FREM1: variants seen among roughly 807,000 people sequenced by gnomAD.
FREM1 encodes the protein FRAS1-related extracellular matrix protein 1.
In FREM1, 220 loss-of-function variants were observed where a neutral mutation model predicts 210.1. The ratio of observed to expected loss-of-function variants is 1.05; its 90% CI spans 0.94 to 1.17. FREM1 has a LOEUF of 1.17. Ranked by LOEUF, FREM1 falls within the 50% of genes most tolerant of loss-of-function variation. The pLI, the probability that FREM1 is intolerant of heterozygous loss-of-function variation, is 0.00. For missense variants in FREM1, 3,454 were observed against 2,675.5 expected (o/e 1.29, Z -6.42); for synonymous variants, 1,189 against 980.2 (o/e 1.21, Z -3.98).
chr9:14,770,862 A>G (rs554785323), intron 25 of FREM1, 56 bp from the exon 26 acceptor site: 1 of 1,292,942 alleles, frequency 7.7e-7, no homozygotes, highest in African/African-American at 1.5e-5. Flanking sequence ...CCCCCATGCA[A>G]CGTTGGGCTT....
At chr9:14,801,031 C>G (rs1341480727) in intron 20 of FREM1, among the ~76,000 whole-genome samples, 3 of 152,118 alleles carry the variant, frequency 2.0e-5, no homozygotes, top group African/African-American at 7.2e-5. Context: ...CACTCTGTCG[C>G]CCAGGCTGGA....
intron 24 of FREM1, among the ~76,000 whole-genome samples, chr9:14,782,068 T>C (rs1849718751): frequency 6.6e-6 from 1 of 152,204 alleles, no homozygotes; most frequent in African/African-American, 2.4e-5. Context: ...ACCAGACTAT[T>C]GATGGCTAGT....
rs762734675 is a variant in FREM1, at chr9:14,824,846, C to A, written c.2028G>T (p.Arg676Ser). The change falls in exon 11 of 37, where the codon AGG becomes AGT. Residue 676 changes from arginine to serine, a missense_variant. Transcript: ENST00000380880. ...GAGTAGTTATTGTGTAGACCAGCTC[C>A]CTGTCATATGATTCTGAATCTATAA... ...LHFIDSESYD[R>S]ELVYTITTPP... The A allele has an allele frequency of 4.3e-6, 7 of 1,613,166 alleles. No homozygotes were observed. The highest frequency in any genetic ancestry group is 5.1e-6 in the Non-Finnish European group (6 of 1,179,588).
In FREM1 at chr9:14,742,146, T is replaced by C. The variant is rs978449389; in HGVS notation, c.6255-1912A>G. ...TGGGTATTATCTGTATAGGTGTATATATGGATATAAAATTATAAATAGGTA... is the reference window on the plus strand; with the variant it reads ...TGGGTATTATCTGTATAGGTGTATACATGGATATAAAATTATAAATAGGTA... On this transcript the variant is annotated intron_variant, in intron 35 of 36. Coordinates refer to ENST00000380880, the MANE Select transcript of FREM1 (RefSeq NM_001379081.2). Among the ~76,000 whole-genome samples, 3 of 152,328 alleles carry C rather than the reference T, an allele frequency of 2.0e-5. No individual in the cohort carries two copies. In the East Asian group the frequency reaches 5.8e-4, roughly 29 times the overall value.
chr9:14,874,193 G>A (rs1833258561), intron 1 of FREM1, among the ~76,000 whole-genome samples: 3 of 152,254 alleles, frequency 2.0e-5, no homozygotes, highest in South Asian at 4.1e-4. Context: ...TCTGCTTGGT[G>A]CAGAGGTGAG....
At chr9:14,897,640 G>C (rs1370568298) in intron 1 of FREM1, among the ~76,000 whole-genome samples, 1 of 151,266 alleles carries the variant, frequency 6.6e-6, no homozygotes, top group African/African-American at 2.4e-5. Context: ...GCCCAGGCTG[G>C]AGTACAGTTC....
rs147339350 is a variant in FREM1 at position 14,817,569 on chromosome 9, G to C, written c.2547-698C>G. On this transcript the variant is annotated intron_variant, in intron 14 of 36. Transcript: ENST00000380880. ...CTCCAGCCCATTGCAGTGATGCTTGGAAAGTTCTAAGGAGCTGCTGAAGTG... is the reference window on the plus strand; with the variant it reads ...CTCCAGCCCATTGCAGTGATGCTTGCAAAGTTCTAAGGAGCTGCTGAAGTG... Among the ~76,000 whole-genome samples, 732 of 152,270 alleles carry C rather than the reference G, an allele frequency of 4.8e-3. 5 individuals are homozygous for C. Among genetic ancestry groups the C allele is most frequent in the African/African-American group, 0.016 (684 of 41,552 alleles).
chr9:14,848,045 A>C (rs947346013), intron 7 of FREM1, among the ~76,000 whole-genome samples: 1 of 152,196 alleles, frequency 6.6e-6, no homozygotes, highest in African/African-American at 2.4e-5. Context: ...TAAATCAGAC[A>C]CAGATATTTT....
chr9:14,761,270 A>T (rs1240393670), intron 27 of FREM1, among the ~76,000 whole-genome samples: 1 of 152,160 alleles, frequency 6.6e-6, no homozygotes, highest in Non-Finnish European at 1.5e-5. Flanking sequence ...TAAACTCAAC[A>T]GTGTAGGTTC....
chr9:14,827,795 GC>G (rs1822757969), intron 10 of FREM1, among the ~76,000 whole-genome samples: 2 of 152,208 alleles, frequency 1.3e-5, no homozygotes, highest in African/African-American at 4.8e-5. Flanking sequence ...TGGGGTCTCT[GC>G]CCAGCACTGC....
chr9:14,808,223 G>A, intron 16 of FREM1, 89 bp from the exon 17 acceptor site: 2 of 762,344 alleles, frequency 2.6e-6, no homozygotes, highest in Non-Finnish European at 4.0e-6. Context: ...TACAAGCATT[G>A]AAACAGCAAG....
At chr9:14,862,549 C>T (rs918181874) in intron 3 of FREM1, among the ~76,000 whole-genome samples, 5 of 152,160 alleles carry the variant, frequency 3.3e-5, no homozygotes, top group Admixed American at 1.3e-4. Context: ...TAAAAATATA[C>T]AACTCAGAGT....
chr9:14,865,088 C>A (rs1237171188), intron 2 of FREM1, among the ~76,000 whole-genome samples: 1 of 152,174 alleles, frequency 6.6e-6, no homozygotes, highest in Non-Finnish European at 1.5e-5. Context: ...TAATTACTGT[C>A]TAGCTTTGTT....
chr9:14,767,399 G>A lies in FREM1; in HGVS notation c.5204+2325C>T, dbSNP rs563040697. ...TTAGCACAGTCCTTAAAATGGGCAA[G>A]AAGTTCTTCAGTGTGCTGAGAAAAA... On this transcript the variant is annotated intron_variant, in intron 27 of 36. Transcript: ENST00000380880. Among the ~76,000 whole-genome samples the A allele has an allele frequency of 2.6e-5, 4 of 152,264 alleles. No individual in the cohort carries two copies. The South Asian group carries it at 6.2e-4, about 24-fold the overall frequency.
chr9:14,825,172 T>C (rs974988514), intron 10 of FREM1, among the ~76,000 whole-genome samples, 180 bp from the exon 11 acceptor site: 1 of 152,146 alleles, frequency 6.6e-6, no homozygotes, highest in Non-Finnish European at 1.5e-5. Flanking sequence ...CCTCTACTCA[T>C]TTAATATTAT....
At chr9:14,823,032 C>T (rs528587534) in intron 13 of FREM1, 128 bp downstream of exon 13, 63 of 597,874 alleles carry the variant, frequency 1.1e-4, no homozygotes, top group Non-Finnish European at 1.5e-4. Context: ...TTTTACTACA[C>T]CATAGATGGA....
At chr9:14,775,367 G>A (rs959604784) in intron 25 of FREM1, among the ~76,000 whole-genome samples, 2 of 152,100 alleles carry the variant, frequency 1.3e-5, no homozygotes, top group Non-Finnish European at 2.9e-5. Context: ...CTGTTTTGCT[G>A]TAGATGCATA....
At position 14,858,397 on chromosome 9, in the gene FREM1, GC is replaced by G. The variant is rs5896655; in HGVS notation, c.632-649del. Among the ~76,000 whole-genome samples, 1,117 of 151,982 alleles carry G rather than the reference GC, an allele frequency of 7.3e-3. 7 individuals carry two copies. Among genetic ancestry groups the G allele is most frequent in the African/African-American group, 0.026 (1,075 of 41,434 alleles). ...AAAAAAATTGTACAGATGAGGTCTT[GC>G]TAGGTTGCCCAGACTGGTCTTGAAA... On this transcript the variant is annotated intron_variant, in intron 4 of 36. Transcript: ENST00000380880.
At chr9:14,866,947 C>T (rs927807549) in intron 2 of FREM1, among the ~76,000 whole-genome samples, 1 of 152,014 alleles carries the variant, frequency 6.6e-6, no homozygotes, top group Non-Finnish European at 1.5e-5. Flanking sequence ...GCAACTTCCG[C>T]CTCCCGGGTT....
Sources: allele counts gnomAD v4.1 joint callset (sites outside exome capture counted in the v4.1 genomes callset), GRCh38; gene constraint gnomAD v4.1.1; transcripts MANE v1.5; gene names NCBI Gene and HGNC (gene_info 2026-07-23, HGNC 2026-07-21).